SKA2: variants seen among roughly 807,000 people sequenced by gnomAD.
SKA2 encodes the protein spindle and kinetochore-associated protein 2.
Under a neutral mutation model 16.9 loss-of-function variants are expected in SKA2, and 13 were observed. The ratio of observed to expected loss-of-function variants is 0.77; its 90% CI spans 0.50 to 1.22. The LOEUF (loss-of-function observed/expected upper bound fraction) is 1.22, where lower values mean the gene tolerates loss of function less well. SKA2 is among the 50% of genes most tolerant of loss of function. The pLI is 0.00. For missense variants in SKA2, 107 were observed against 139.7 expected (o/e 0.77, Z 1.18); for synonymous variants, 47 against 48.5 (o/e 0.97, Z 0.13).
At chr17:59,134,479 A>C (rs2046430628) in intron 1 of SKA2, among the ~76,000 whole-genome samples, 1 of 152,182 alleles carries the variant, frequency 6.6e-6, no homozygotes, top group South Asian at 2.1e-4. Flanking sequence ...GAAGTATTAA[A>C]CTTACATATT....
At chr17:59,119,131 T>C (rs1568301328) in intron 3 of SKA2, among the ~76,000 whole-genome samples, 188 bp downstream of exon 3, 1 of 152,238 alleles carries the variant, frequency 6.6e-6, no homozygotes, top group Non-Finnish European at 1.5e-5. Flanking sequence ...ATTAACCATG[T>C]CAAGTCCAAA....
intron 2 of SKA2, among the ~76,000 whole-genome samples, chr17:59,120,719 CACAG>C (rs1467271347): frequency 1.3e-5 from 2 of 152,238 alleles, no homozygotes; most frequent in Middle Eastern, 3.4e-3. Context: ...AGGAGGAAAG[CACAG>C]ACAAAGGATC....
chr17:59,123,557 A>AG, intron 2 of SKA2, among the ~76,000 whole-genome samples: 1 of 150,180 alleles, frequency 6.7e-6, no homozygotes, highest in East Asian at 2.0e-4. Flanking sequence ...ACTCTGTCTC[A>AG]GGAAAAAAAA....
At chr17:59,149,542 TA>T (rs1266633103) in intron 1 of SKA2, among the ~76,000 whole-genome samples, 6 of 151,486 alleles carry the variant, frequency 4.0e-5, no homozygotes. Flanking sequence ...AAAAAAAAAT[TA>T]AACAAAGACA....
At chr17:59,115,110 G>A (rs368633981) in intron 3 of SKA2, among the ~76,000 whole-genome samples, 1 of 147,832 alleles carries the variant, frequency 6.8e-6, no homozygotes, top group South Asian at 2.1e-4. Context: ...TGCCCAGGCT[G>A]GAGCGCAATC....
At chr17:59,121,476 G>A (rs1007462870) in intron 2 of SKA2, among the ~76,000 whole-genome samples, 2 of 151,632 alleles carry the variant, frequency 1.3e-5, no homozygotes, top group African/African-American at 2.4e-5. Flanking sequence ...CCAACATAGC[G>A]AAACCCCGTC....
At chr17:59,134,286 G>C (rs2046429387) in intron 1 of SKA2, among the ~76,000 whole-genome samples, 1 of 152,126 alleles carries the variant, frequency 6.6e-6, no homozygotes, top group Non-Finnish European at 1.5e-5. Context: ...CTTAATTACT[G>C]AACAGACCAC....
chr17:59,127,433 G>T (rs912402050), intron 2 of SKA2, among the ~76,000 whole-genome samples: 3 of 152,122 alleles, frequency 2.0e-5, no homozygotes, highest in African/African-American at 7.2e-5. Context: ...CTGTCGCCCA[G>T]GCTGGAGTTC....
chr17:59,120,907 C>A (rs1358644660), intron 2 of SKA2, among the ~76,000 whole-genome samples: 5 of 152,144 alleles, frequency 3.3e-5, no homozygotes, highest in Non-Finnish European at 7.4e-5. Flanking sequence ...AATCCCAGCA[C>A]TTTGGGAGGC....
chr17:59,132,931 A>G (rs1253020094), intron 1 of SKA2, among the ~76,000 whole-genome samples: 3 of 152,240 alleles, frequency 2.0e-5, no homozygotes, highest in African/African-American at 7.2e-5. Context: ...AAAGAGATGT[A>G]TACATATACA....
intron 2 of SKA2, among the ~76,000 whole-genome samples, chr17:59,128,558 G>T (rs1403126166): frequency 6.6e-6 from 1 of 151,828 alleles, no homozygotes; most frequent in African/African-American, 2.4e-5. Flanking sequence ...CTCGGAAGGC[G>T]GAGGTTGCAG....
At chr17:59,112,482 A>G in intron 3 of SKA2, 137 bp from the exon 4 acceptor site, 3 of 628,244 alleles carry the variant, frequency 4.8e-6, no homozygotes, top group Non-Finnish European at 7.9e-6. Flanking sequence ...TTAGAAAGGC[A>G]AGGGAAAAAA....
chr17:59,128,729 G>A (rs1194294402), intron 2 of SKA2, among the ~76,000 whole-genome samples: 1 of 152,124 alleles, frequency 6.6e-6, no homozygotes, highest in African/African-American at 2.4e-5. Context: ...CAAATCTGTG[G>A]AGACAGAAAG....
chr17:59,135,204 A>C (rs1341124055), intron 1 of SKA2, among the ~76,000 whole-genome samples: 1 of 152,038 alleles, frequency 6.6e-6, no homozygotes, highest in Non-Finnish European at 1.5e-5. Context: ...TTAACCATCA[A>C]ATGGTACCAA....
intron 1 of SKA2, among the ~76,000 whole-genome samples, chr17:59,149,507 A>G (rs1156782989): frequency 7.0e-6 from 1 of 143,600 alleles, no homozygotes; most frequent in East Asian, 2.0e-4. Context: ...CCCTGTCTCT[A>G]AAGAAAAAGA....
chr17:59,131,788 C>T (rs568667469), intron 1 of SKA2, among the ~76,000 whole-genome samples: 3 of 152,290 alleles, frequency 2.0e-5, no homozygotes, highest in South Asian at 4.1e-4. Flanking sequence ...CAGGAATACT[C>T]ATATTGTTAC....
intron 2 of SKA2, among the ~76,000 whole-genome samples, chr17:59,123,360 C>T (rs2147799637): frequency 6.7e-6 from 1 of 150,088 alleles, no homozygotes; most frequent in South Asian, 2.1e-4. Flanking sequence ...AGTGTGAGAC[C>T]AGCCTGGCCA....
At chr17:59,133,820 T>C (rs945141438) in intron 1 of SKA2, among the ~76,000 whole-genome samples, 9 of 152,212 alleles carry the variant, frequency 5.9e-5, no homozygotes, top group South Asian at 4.1e-4. Flanking sequence ...TAGCCAAAAC[T>C]TGGGGGGAGG....
chr17:59,128,746 C>T lies in SKA2; in HGVS notation c.120+2535G>A, dbSNP rs141181570. ...AATCTGTGGAGACAGAAAGTAGATT[C>T]GTCTTTGGGAGCTTGCAGGATAGCA... On this transcript the variant is annotated intron_variant, in intron 2 of 3. Coordinates refer to ENST00000330137, the MANE Select transcript of SKA2 (RefSeq NM_182620.4). Among the ~76,000 whole-genome samples the T allele has an allele frequency of 2.8e-3, 425 of 151,974 alleles. 5 individuals are homozygous for T. Among genetic ancestry groups the T allele is most frequent in the African/African-American group, 9.7e-3 (404 of 41,458 alleles).
Sources: gnomAD v4.1 joint callset for allele counts (sites outside exome capture counted in the v4.1 genomes callset) on GRCh38, gnomAD v4.1.1 for gene constraint, MANE v1.5 for transcripts, NCBI Gene and HGNC (gene_info 2026-07-23, HGNC 2026-07-21) for gene names.